EXOC2: variants seen among roughly 807,000 people sequenced by gnomAD.
The protein encoded by EXOC2 is SEC5-like 1.
In EXOC2, 70 loss-of-function variants were observed where a neutral mutation model predicts 131.8. The observed-to-expected ratio is 0.53, with a 90% CI of 0.44 to 0.65. EXOC2 has a LOEUF of 0.65. Among genes scored for constraint, EXOC2 ranks in the 30% least tolerant of loss-of-function variants. EXOC2 has a pLI of 0.00. For synonymous variants in EXOC2, 411 were observed against 398.4 expected (o/e 1.03, Z -0.38); for missense variants, 923 against 1,108.6 (o/e 0.83, Z 2.38).
chr6:521,453 G>C (rs1331788873), intron 23 of EXOC2, among the ~76,000 whole-genome samples: 1 of 152,122 alleles, frequency 6.6e-6, no homozygotes, highest in Non-Finnish European at 1.5e-5. Context: ...GGCTCAAAGT[G>C]TCTTTAGAAT....
intron 1 of EXOC2, chr6:669,184 G>A (rs2127772443): frequency 6.6e-6 from 1 of 152,372 alleles, no homozygotes; most frequent in Non-Finnish European, 1.5e-5. Context: ...AGCGAGCACA[G>A]CTTGAACTCC....
chr6:621,841 G>GT (rs1761309397), intron 4 of EXOC2, among the ~76,000 whole-genome samples: 1 of 152,200 alleles, frequency 6.6e-6, no homozygotes. Context: ...CTTCATGCTG[G>GT]TTCTCATACT....
chr6:545,925 T>C (rs1665346454), intron 22 of EXOC2, among the ~76,000 whole-genome samples: 1 of 152,184 alleles, frequency 6.6e-6, no homozygotes, highest in Non-Finnish European at 1.5e-5. Flanking sequence ...AAAGTACTCA[T>C]GATAGAATAT....
At chr6:541,769 A>G (rs1756561547) in intron 22 of EXOC2, among the ~76,000 whole-genome samples, 1 of 152,248 alleles carries the variant, frequency 6.6e-6, no homozygotes, top group African/African-American at 2.4e-5. Context: ...TTCTATAACC[A>G]TTAAAGAAAT....
intron 26 of EXOC2, among the ~76,000 whole-genome samples, chr6:490,740 A>G (rs1323274003): frequency 6.6e-6 from 1 of 152,204 alleles, no homozygotes; most frequent in African/African-American, 2.4e-5. Context: ...TTCATTCAAA[A>G]CAGCTAAAAA....
At chr6:684,303 C>T (rs1264804580) in intron 1 of EXOC2, among the ~76,000 whole-genome samples, 2 of 152,160 alleles carry the variant, frequency 1.3e-5, no homozygotes, top group African/African-American at 4.8e-5. Flanking sequence ...ATAAACCTCC[C>T]TGAGAAAACA....
At chr6:628,160 C>G (rs1561943989) in intron 4 of EXOC2, among the ~76,000 whole-genome samples, 1 of 152,142 alleles carries the variant, frequency 6.6e-6, no homozygotes, top group Non-Finnish European at 1.5e-5. Context: ...GCATTGTACA[C>G]CTGAGGAAAC....
chr6:642,353 C>A (rs575138227), intron 1 of EXOC2, among the ~76,000 whole-genome samples: 37 of 152,290 alleles, frequency 2.4e-4, no homozygotes, highest in Non-Finnish European at 4.6e-4. Context: ...ATCTGACATG[C>A]TCATGTCAGG....
intron 22 of EXOC2, among the ~76,000 whole-genome samples, chr6:546,131 G>C (rs1217189626): frequency 6.6e-6 from 1 of 150,674 alleles, no homozygotes; most frequent in Non-Finnish European, 1.5e-5. Flanking sequence ...TTTTTTTTTA[G>C]ACTTCCCAAT....
intron 11 of EXOC2, among the ~76,000 whole-genome samples, chr6:585,923 T>C (rs1485239260): frequency 1.3e-5 from 2 of 152,238 alleles, no homozygotes; most frequent in East Asian, 3.8e-4. Flanking sequence ...AGTACAGATA[T>C]TATAATAAAG....
chr6:602,828 T>A (rs1403046355), intron 7 of EXOC2, among the ~76,000 whole-genome samples: 1 of 152,092 alleles, frequency 6.6e-6, no homozygotes, highest in East Asian at 1.9e-4. Context: ...GCAGTAAAAT[T>A]TCCCTACAGT....
intron 16 of EXOC2, 145 bp downstream of exon 16, chr6:563,888 G>GAA: frequency 8.5e-7 from 1 of 1,175,962 alleles, no homozygotes; most frequent in Non-Finnish European, 1.1e-6. Context: ...AACACTTATT[G>GAA]AGCAGCTAGA....
At position 485,731 on chromosome 6, in the gene EXOC2, G is replaced by C. The variant is rs1411377271; in HGVS notation, c.*940C>G. 2.6e-5 allele frequency: 4 copies of C among 152,404 alleles called. No homozygotes were observed. The highest frequency in any genetic ancestry group is 2.1e-4 in the South Asian group (1 of 4,832). The allele number at this position is 152,404 out of a possible 1,614,324, so 9.4% of individuals were successfully genotyped here. On this transcript the variant is annotated 3_prime_UTR_variant, in exon 28 of 28. Coordinates refer to ENST00000230449, the MANE Select transcript of EXOC2 (RefSeq NM_018303.6). ...ATCCTGAAGTTTCAGAGAAGAGACT[G>C]TGTGACAGCAGCATTGTTCCAGCTA...
chr6:490,564 T>C (rs1283455605), intron 26 of EXOC2, among the ~76,000 whole-genome samples: 1 of 152,216 alleles, frequency 6.6e-6, no homozygotes, highest in African/African-American at 2.4e-5. Flanking sequence ...TATTACAGTG[T>C]CCTCAAACAT....
At chr6:672,145 T>C (rs1011334458) in intron 1 of EXOC2, among the ~76,000 whole-genome samples, 3 of 152,198 alleles carry the variant, frequency 2.0e-5, no homozygotes, top group African/African-American at 4.8e-5. Flanking sequence ...TTCTCTATTA[T>C]AGTTTCTGAA....
At chr6:646,638 T>G (rs187288608) in intron 1 of EXOC2, among the ~76,000 whole-genome samples, 2 of 152,198 alleles carry the variant, frequency 1.3e-5, no homozygotes, top group African/African-American at 4.8e-5. Flanking sequence ...ACATTTGACA[T>G]CAGCAAAATG....
intron 3 of EXOC2, among the ~76,000 whole-genome samples, chr6:631,677 G>C (rs1292402251): frequency 1.3e-5 from 2 of 151,988 alleles, no homozygotes; most frequent in Non-Finnish European, 2.9e-5. Context: ...TAGATCATAA[G>C]ATATTAGATT....
In EXOC2 at chr6:495,573, G is replaced by A. The variant is rs572293036; in HGVS notation, c.2559+1794C>T. 1.9e-3 allele frequency among the ~76,000 whole-genome samples: 284 copies of A among 152,294 alleles called. 1 individual carries two copies. The highest frequency in any genetic ancestry group is 6.5e-3 in the African/African-American group (270 of 41,560). ...CTAGGATCGGAATAGCTGGGTCATA[G>A]GGTACGTATGTGTATGTTTAGCTTG... On this transcript the variant is annotated intron_variant, in intron 25 of 27. Coordinates refer to ENST00000230449, the MANE Select transcript of EXOC2 (RefSeq NM_018303.6).
chr6:578,287 A>G (rs1017645682), intron 11 of EXOC2, among the ~76,000 whole-genome samples: 12 of 152,224 alleles, frequency 7.9e-5, no homozygotes, highest in African/African-American at 2.9e-4. Context: ...ATTCAATAAC[A>G]TTTAACAGGT....
Sources: allele counts gnomAD v4.1 joint callset (sites outside exome capture counted in the v4.1 genomes callset), GRCh38; gene constraint gnomAD v4.1.1; transcripts MANE v1.5; gene names NCBI Gene and HGNC (gene_info 2026-07-23, HGNC 2026-07-21).